RBFOX1: variants seen among roughly 807,000 people sequenced by gnomAD.
The protein encoded by RBFOX1 is RNA binding fox-1 homolog 1, also known as RNA binding protein fox-1 homolog 1.
Under a neutral mutation model 57.7 loss-of-function variants are expected in RBFOX1, and 8 were observed. That is an observed-to-expected ratio of 0.14 (90% CI 0.08 to 0.25). The LOEUF is 0.25. RBFOX1 is among the 10% of genes least tolerant of loss of function. The probability of loss-of-function intolerance (pLI) is 1.00; values close to 1 mark genes in which losing one functional copy is unlikely to be tolerated. For missense variants in RBFOX1, 611 were observed against 548.5 expected, an observed-to-expected ratio of 1.11 and a Z score of -1.14; for synonymous variants, 326 against 222.4, an observed-to-expected ratio of 1.47 and a Z score of -4.15.
At chr16:5,657,523 GC>G (rs1043876539) in intron 3 of RBFOX1, among the ~76,000 whole-genome samples, 1 of 152,114 alleles carries the variant, frequency 6.6e-6, no homozygotes, top group African/African-American at 2.4e-5. Context: ...GCACAGTGTG[GC>G]TCAGCTGTCA....
chr16:6,414,889 C>A (rs991845268), intron 2 of RBFOX1, among the ~76,000 whole-genome samples: 6 of 152,090 alleles, frequency 3.9e-5, no homozygotes, highest in African/African-American at 1.2e-4. Context: ...AGTCAGACAT[C>A]CTGCAAGGCA....
At position 6,700,028 on chromosome 16, in the gene RBFOX1, G is replaced by A. The variant is rs921676800; in HGVS notation, c.-16+45378G>A. ...TCAGGGTATCTTTTCCTTCTCTTAC[G>A]ATTGGCAAGAAAAAGCTTAAAACCT... On this transcript the variant is annotated intron_variant, in intron 3 of 15. Coordinates refer to ENST00000550418, the MANE Select transcript of RBFOX1 (RefSeq NM_018723.4). Among the ~76,000 whole-genome samples the A allele has an allele frequency of 7.9e-5, 12 of 152,112 alleles. No homozygotes were observed. In the East Asian group the frequency reaches 9.7e-4, roughly 12 times the overall value.
chr16:7,589,762 G>C (rs538983309), intron 7 of RBFOX1, among the ~76,000 whole-genome samples: 3 of 152,014 alleles, frequency 2.0e-5, no homozygotes, highest in African/African-American at 7.2e-5. Context: ...AACCTGAACT[G>C]TTGCTATGGC....
At chr16:6,926,936 G>A (rs1195519007) in intron 3 of RBFOX1, among the ~76,000 whole-genome samples, 1 of 152,110 alleles carries the variant, frequency 6.6e-6, no homozygotes, top group African/African-American at 2.4e-5. Context: ...GTCACTGCTG[G>A]AATGCAGTTG....
chr16:5,487,388 C>G (rs1188020621), intron 2 of RBFOX1, among the ~76,000 whole-genome samples: 1 of 152,114 alleles, frequency 6.6e-6, no homozygotes, highest in Non-Finnish European at 1.5e-5. Flanking sequence ...GAAGAGGGAA[C>G]CAAAGATGAT....
At chr16:5,922,014 C>T (rs145091927) in intron 4 of RBFOX1, among the ~76,000 whole-genome samples, 2 of 151,772 alleles carry the variant, frequency 1.3e-5, no homozygotes, top group Non-Finnish European at 2.9e-5. Flanking sequence ...AAGAAAAATT[C>T]GCCGGGCATG....
At chr16:6,535,233 T>C (rs2096718863) in intron 2 of RBFOX1, among the ~76,000 whole-genome samples, 1 of 151,984 alleles carries the variant, frequency 6.6e-6, no homozygotes, top group Non-Finnish European at 1.5e-5. Flanking sequence ...ACTGGGAGAG[T>C]TGGTCACCTT....
At chr16:7,384,350 G>T (rs2097842574) in intron 4 of RBFOX1, among the ~76,000 whole-genome samples, 2 of 152,070 alleles carry the variant, frequency 1.3e-5, no homozygotes, top group African/African-American at 4.8e-5. Flanking sequence ...GAAAAACGAG[G>T]AATATATAGC....
intron 2 of RBFOX1, among the ~76,000 whole-genome samples, chr16:5,560,644 T>A (rs1237100379): frequency 6.6e-6 from 1 of 152,196 alleles, no homozygotes; most frequent in African/African-American, 2.4e-5. Context: ...TTTCACCTTA[T>A]GCTTTTATTC....
At chr16:7,323,302 T>C (rs2096569551) in intron 4 of RBFOX1, among the ~76,000 whole-genome samples, 1 of 152,148 alleles carries the variant, frequency 6.6e-6, no homozygotes, top group African/African-American at 2.4e-5. Flanking sequence ...TATGCACCTG[T>C]AGTCCCAGGT....
intron 4 of RBFOX1, among the ~76,000 whole-genome samples, chr16:7,236,705 A>T (rs371837653): frequency 4.2e-4 from 64 of 151,430 alleles, no homozygotes; most frequent in Non-Finnish European, 6.8e-4. Flanking sequence ...TTTTTTTTTA[A>T]TTTCTAAGCC....
chr16:5,743,007 T>C (rs138588563), intron 3 of RBFOX1, among the ~76,000 whole-genome samples: 91 of 152,290 alleles, frequency 6.0e-4, no homozygotes, highest in African/African-American at 1.9e-3. Flanking sequence ...GCATTAACAA[T>C]AGAGATAGCA....
intron 3 of RBFOX1, among the ~76,000 whole-genome samples, chr16:6,857,770 C>T (rs1254435731): frequency 1.3e-5 from 2 of 152,138 alleles, no homozygotes; most frequent in African/African-American, 4.8e-5. Flanking sequence ...GAATTTTGTT[C>T]TGTCAGCACT....
At chr16:5,516,398 A>G (rs986297578) in intron 2 of RBFOX1, among the ~76,000 whole-genome samples, 3 of 151,716 alleles carry the variant, frequency 2.0e-5, no homozygotes, top group Non-Finnish European at 2.9e-5. Context: ...CTTGTCTCCC[A>G]TCACCTCTTA....
At chr16:5,654,891 A>G (rs2049374488) in intron 3 of RBFOX1, among the ~76,000 whole-genome samples, 1 of 152,048 alleles carries the variant, frequency 6.6e-6, no homozygotes, top group Admixed American at 6.6e-5. Flanking sequence ...AGGGGAATGA[A>G]AGGGATGAAA....
rs559262954 is a variant in RBFOX1 at position 5,297,594 on chromosome 16, C to G, written c.219+57489C>G. Among the ~76,000 whole-genome samples, 4 of 152,142 alleles carry G rather than the reference C, an allele frequency of 2.6e-5. No homozygotes were observed. In the South Asian group the frequency reaches 6.2e-4, roughly 24 times the overall value. On this transcript the variant is annotated intron_variant, in intron 1 of 2. Transcript: ENST00000585867. ...GCTCATTTTTTGAGTTGTTTTCTTA[C>G]TATTGAGTTGAGTTCTTTATATGTT...
chr16:5,391,399 C>T (rs1254195345), intron 1 of RBFOX1, among the ~76,000 whole-genome samples: 1 of 152,152 alleles, frequency 6.6e-6, no homozygotes, highest in African/African-American at 2.4e-5. Context: ...TCACTAGTGG[C>T]TTCTGCTTCC....
At chr16:6,055,188 C>T (rs1358680448) in intron 1 of RBFOX1, among the ~76,000 whole-genome samples, 1 of 151,952 alleles carries the variant, frequency 6.6e-6, no homozygotes, top group Non-Finnish European at 1.5e-5. Context: ...TGCTGTCCAA[C>T]GGAATTATTA....
At chr16:5,875,332 T>G (rs1362852497) in intron 4 of RBFOX1, among the ~76,000 whole-genome samples, 1 of 152,202 alleles carries the variant, frequency 6.6e-6, no homozygotes, top group Non-Finnish European at 1.5e-5. Context: ...TTTGTCTGAT[T>G]GCAACACCTG....
Sources: allele counts gnomAD v4.1 joint callset (sites outside exome capture counted in the v4.1 genomes callset), GRCh38; gene constraint gnomAD v4.1.1; transcripts MANE v1.5; gene names NCBI Gene and HGNC (gene_info 2026-07-23, HGNC 2026-07-21).